Variants in ALMS1 observed in about 807,000 individuals in gnomAD.
ALMS1 encodes the protein ALMS1 centrosome and basal body associated protein.
A neutral mutation model predicts 352.2 loss-of-function variants in ALMS1; 271 were observed. The ratio of observed to expected loss-of-function variants is 0.77; its 90% CI spans 0.70 to 0.85. The LOEUF (loss-of-function observed/expected upper bound fraction) is 0.85. ALMS1 is among the 40% of genes least tolerant of loss of function. The pLI is 0.00. For synonymous variants in ALMS1, 1,865 were observed against 1,761.2 expected, an observed-to-expected ratio of 1.06 and a Z score of -1.48; for missense variants, 5,445 against 4,870.7, an observed-to-expected ratio of 1.12 and a Z score of -3.51.
intron 6 of ALMS1, among the ~76,000 whole-genome samples, chr2:73,429,917 A>G (rs1268384741): frequency 1.3e-5 from 2 of 152,016 alleles, no homozygotes; most frequent in South Asian, 2.1e-4. Context: ...GTCATCTTTC[A>G]TTCTTTCTTC....
intron 15 of ALMS1, among the ~76,000 whole-genome samples, chr2:73,571,622 C>A (rs1322833147): frequency 6.6e-6 from 1 of 151,636 alleles, no homozygotes; most frequent in Non-Finnish European, 1.5e-5. Context: ...CTTAGAGGGA[C>A]GCAAACATTC....
At chr2:73,483,544 A>G (rs1212871256) in intron 9 of ALMS1, among the ~76,000 whole-genome samples, 14 of 151,560 alleles carry the variant, frequency 9.2e-5, no homozygotes, top group African/African-American at 1.2e-4. Flanking sequence ...AAAAATGTAT[A>G]TTCTGTTGAT....
At chr2:73,408,851 TATG>T in intron 2 of ALMS1, 104 bp downstream of exon 2, 1 of 958,486 alleles carries the variant, frequency 1.0e-6, no homozygotes, top group Non-Finnish European at 1.5e-6. Context: ...TCATTAATAT[TATG>T]TTTTCTTGTC....
chr2:73,504,509 A>G (rs1304216370), intron 10 of ALMS1, among the ~76,000 whole-genome samples: 2 of 152,172 alleles, frequency 1.3e-5, no homozygotes, highest in Non-Finnish European at 2.9e-5. Context: ...GATGGAATCC[A>G]ACATGTTACA....
At chr2:73,474,912 C>A (rs997183065) in intron 9 of ALMS1, among the ~76,000 whole-genome samples, 15 of 152,038 alleles carry the variant, frequency 9.9e-5, no homozygotes, top group Admixed American at 9.8e-4. Flanking sequence ...CCCCCAATTC[C>A]CTAGCCCTAG....
At chr2:73,419,071 G>A (rs1572910863) in intron 2 of ALMS1, 52 bp from the exon 3 acceptor site, 2 of 1,422,954 alleles carry the variant, frequency 1.4e-6, no homozygotes, top group Admixed American at 1.7e-5. Flanking sequence ...ATATTAATAT[G>A]TATGGTAACT....
intron 6 of ALMS1, among the ~76,000 whole-genome samples, chr2:73,428,717 C>T (rs926098327): frequency 1.3e-5 from 2 of 152,100 alleles, no homozygotes; most frequent in Non-Finnish European, 1.5e-5. Flanking sequence ...TATTGTCTTT[C>T]AGTTGTAGCT....
At chr2:73,482,574 A>G (rs1238411842) in intron 9 of ALMS1, among the ~76,000 whole-genome samples, 2 of 152,204 alleles carry the variant, frequency 1.3e-5, no homozygotes, top group Non-Finnish European at 2.9e-5. Flanking sequence ...CTTTGGTATC[A>G]GAATGATGCT....
intron 15 of ALMS1, among the ~76,000 whole-genome samples, chr2:73,564,609 C>T (rs1674764691): frequency 1.3e-5 from 2 of 151,992 alleles, no homozygotes; most frequent in Admixed American, 1.3e-4. Context: ...TAAGCAAATA[C>T]TGATCCACTT....
intron 2 of ALMS1, among the ~76,000 whole-genome samples, chr2:73,412,992 CTT>C (rs1191158871): frequency 2.1e-5 from 3 of 141,720 alleles, no homozygotes; most frequent in Admixed American, 7.0e-5. Context: ...TTCTTTTTTT[CTT>C]TTTTTTTTTT....
intron 16 of ALMS1, among the ~76,000 whole-genome samples, chr2:73,586,522 A>G (rs1388364525): frequency 1.3e-5 from 2 of 151,662 alleles, no homozygotes; most frequent in African/African-American, 2.4e-5. Context: ...CTTACTTTAT[A>G]TTTTTGTTTG....
intron 7 of ALMS1, among the ~76,000 whole-genome samples, chr2:73,433,329 G>A (rs1226556530): frequency 2.0e-5 from 3 of 151,942 alleles, no homozygotes; most frequent in Non-Finnish European, 4.4e-5. Flanking sequence ...AGCAGTCAAA[G>A]AGAGAAGAGT....
rs78839437 is a variant in ALMS1, at chr2:73,399,795, A to T, written c.325-8827A>T. Among the ~76,000 whole-genome samples the T allele has an allele frequency of 1.1e-3, 172 of 152,250 alleles. 1 individual carries two copies. The highest frequency in any genetic ancestry group is 1.1e-3 in the Non-Finnish European group (77 of 68,020). ...TTGTAGGATTTTTTGTAGATACTCT[A>T]TGTCAAGTTGAGAATATTCCCCTCT... On this transcript the variant is annotated intron_variant, in intron 1 of 22. Transcript: ENST00000613296.
intron 10 of ALMS1, among the ~76,000 whole-genome samples, chr2:73,515,682 A>T (rs1167864644): frequency 1.3e-5 from 2 of 151,962 alleles, no homozygotes; most frequent in Non-Finnish European, 2.9e-5. Context: ...TTGACAGACC[A>T]CTAACTAAAT....
chr2:73,590,092 G>C (rs1185533459), intron 16 of ALMS1, among the ~76,000 whole-genome samples: 1 of 151,256 alleles, frequency 6.6e-6, no homozygotes, highest in Non-Finnish European at 1.5e-5. Flanking sequence ...TGAACATCTA[G>C]AGTATCTCTT....
chr2:73,546,838 C>G (rs1167970354), intron 12 of ALMS1, among the ~76,000 whole-genome samples: 1 of 152,128 alleles, frequency 6.6e-6, no homozygotes, highest in African/African-American at 2.4e-5. Flanking sequence ...ATTTAAAGAT[C>G]TGATTGGTTT....
At chr2:73,577,556 G>A (rs1439854936) in intron 16 of ALMS1, among the ~76,000 whole-genome samples, 1 of 151,752 alleles carries the variant, frequency 6.6e-6, no homozygotes, top group African/African-American at 2.4e-5. Flanking sequence ...AGCTATAAAT[G>A]TCTCTTTAAG....
chr2:73,460,974 A>G (rs1275721119), intron 9 of ALMS1, among the ~76,000 whole-genome samples: 6 of 152,264 alleles, frequency 3.9e-5, no homozygotes, highest in African/African-American at 1.4e-4. Flanking sequence ...CTACAGCTCA[A>G]GGAGGCCTGC....
intron 9 of ALMS1, among the ~76,000 whole-genome samples, chr2:73,486,334 G>T (rs577319192): frequency 3.3e-5 from 5 of 152,292 alleles, no homozygotes; most frequent in East Asian, 3.9e-4. Context: ...GCAAGGAAGG[G>T]ATAGCACTTT....
Sources: gnomAD v4.1 joint callset for allele counts (sites outside exome capture counted in the v4.1 genomes callset) on GRCh38, gnomAD v4.1.1 for gene constraint, MANE v1.5 for transcripts, NCBI Gene and HGNC (gene_info 2026-07-23, HGNC 2026-07-21) for gene names.